The following EYS variants were observed in gnomAD, a reference collection of about 807,000 sequenced individuals.
EYS encodes the protein EGF-like photoreceptor maintenance factor.
In EYS, 250 loss-of-function variants were observed where a neutral mutation model predicts 282.1. The ratio of observed to expected loss-of-function variants is 0.89; its 90% confidence interval spans 0.80 to 0.98. EYS has a LOEUF of 0.98. EYS is among the 50% of genes least tolerant of loss of function. EYS has a pLI of 0.00. For synonymous variants in EYS, 1,355 were observed against 1,282.9 expected (o/e 1.06, Z -1.20); for missense variants, 4,016 against 3,709.0 (o/e 1.08, Z -2.15).
At chr6:63,939,279 C>A (rs956522680) in intron 35 of EYS, among the ~76,000 whole-genome samples, 2 of 151,870 alleles carry the variant, frequency 1.3e-5, no homozygotes, top group Non-Finnish European at 1.5e-5. Context: ...AAGAGGGATA[C>A]CAAGTTTGTA....
chr6:65,446,594 T>G (rs779686203), intron 5 of EYS, among the ~76,000 whole-genome samples: 58 of 151,764 alleles, frequency 3.8e-4, no homozygotes, highest in Non-Finnish European at 7.4e-4. Flanking sequence ...ATCTAAGAGT[T>G]GAGAAAGTAT....
intron 26 of EYS, among the ~76,000 whole-genome samples, chr6:64,551,295 A>G (rs1765073886): frequency 6.6e-6 from 1 of 151,464 alleles, no homozygotes; most frequent in Admixed American, 6.6e-5. Context: ...AAAGGTTTGG[A>G]GAGTACCTTT....
chr6:63,827,969 A>G (rs186429364), intron 36 of EYS, among the ~76,000 whole-genome samples: 34 of 152,328 alleles, frequency 2.2e-4, no homozygotes, highest in African/African-American at 7.7e-4. Context: ...TGGAAATTAA[A>G]TAACCTGCTC....
At chr6:63,902,115 A>G (rs200183903) in intron 35 of EYS, among the ~76,000 whole-genome samples, 1 of 152,000 alleles carries the variant, frequency 6.6e-6, no homozygotes, top group East Asian at 1.9e-4. Flanking sequence ...GCTGGTCTTG[A>G]ACTCCTGTCC....
At chr6:64,468,350 A>C (rs547820232) in intron 26 of EYS, among the ~76,000 whole-genome samples, 1 of 152,348 alleles carries the variant, frequency 6.6e-6, no homozygotes, top group African/African-American at 2.4e-5. Context: ...CATCATAAAT[A>C]CATTTTTGGG....
At chr6:65,462,228 A>G (rs955411743) in intron 5 of EYS, among the ~76,000 whole-genome samples, 2 of 152,140 alleles carry the variant, frequency 1.3e-5, no homozygotes, top group Admixed American at 6.6e-5. Context: ...CATGTAATGT[A>G]TGATACTTTT....
chr6:65,201,934 G>T (rs1418046013), intron 12 of EYS, among the ~76,000 whole-genome samples: 2 of 151,940 alleles, frequency 1.3e-5, no homozygotes, highest in Non-Finnish European at 2.9e-5. Context: ...GCAACATGGC[G>T]AGACCCCATT....
intron 34 of EYS, among the ~76,000 whole-genome samples, chr6:63,995,197 A>G (rs991430327): frequency 5.3e-5 from 8 of 152,036 alleles, no homozygotes; most frequent in African/African-American, 1.7e-4. Context: ...CACACAAAGC[A>G]GACAAACAAA....
chr6:63,971,767 A>G (rs1454066495), intron 35 of EYS, among the ~76,000 whole-genome samples: 1 of 152,236 alleles, frequency 6.6e-6, no homozygotes, highest in Non-Finnish European at 1.5e-5. Flanking sequence ...TCCTACCTCA[A>G]GACTGAACTC....
intron 12 of EYS, among the ~76,000 whole-genome samples, chr6:65,201,710 C>T (rs184584551): frequency 7.5e-4 from 114 of 151,988 alleles, no homozygotes; most frequent in Middle Eastern, 3.4e-3. Context: ...CTGTTTTGTC[C>T]TATAACTATT....
chr6:64,319,370 T>A (rs931740501), intron 29 of EYS, among the ~76,000 whole-genome samples: 3 of 151,880 alleles, frequency 2.0e-5, no homozygotes, highest in Non-Finnish European at 4.4e-5. Context: ...GATTCTTAAA[T>A]CTAGCAATAC....
chr6:65,176,984 T>A (rs1765240925), intron 12 of EYS, among the ~76,000 whole-genome samples: 1 of 151,720 alleles, frequency 6.6e-6, no homozygotes, highest in South Asian at 2.1e-4. Context: ...TGTATTCTGG[T>A]TTTTAACTTA....
chr6:65,447,361 G>GTTATATATATAAATATATGTATATAA (rs1562189734), intron 5 of EYS, among the ~76,000 whole-genome samples: 1 of 111,912 alleles, frequency 8.9e-6, no homozygotes, highest in Non-Finnish European at 2.2e-5. Context: ...TATGTATATA[G>GTTATATATATAAATATATGTATATAA]TTATATATAT....
intron 12 of EYS, among the ~76,000 whole-genome samples, chr6:65,184,506 C>T (rs1005375583): frequency 6.6e-6 from 1 of 151,486 alleles, no homozygotes; most frequent in Admixed American, 6.6e-5. Flanking sequence ...AACATTCAAA[C>T]CATAGCATGA....
intron 26 of EYS, among the ~76,000 whole-genome samples, chr6:64,569,261 A>T (rs913261733): frequency 3.3e-5 from 5 of 151,924 alleles, no homozygotes; most frequent in African/African-American, 1.2e-4. Flanking sequence ...GGTTAGCGGG[A>T]TTGCTAATTA....
At chr6:64,829,049 A>G (rs1765139810) in intron 19 of EYS, among the ~76,000 whole-genome samples, 1 of 151,526 alleles carries the variant, frequency 6.6e-6, no homozygotes, top group Non-Finnish European at 1.5e-5. Flanking sequence ...AAGAATATGC[A>G]TGGAGTTATA....
At chr6:64,457,412 A>C (rs12174441) in intron 26 of EYS, among the ~76,000 whole-genome samples, 42,051 of 151,652 alleles carry the variant, frequency 0.28, 5,948 homozygotes, top group East Asian at 0.46. Context: ...TTTCATGATC[A>C]TTTTCTGATT....
chr6:65,005,487 C>A lies in EYS; in HGVS notation c.2138-7784G>T, dbSNP rs745660695. On this transcript the variant is annotated intron_variant, in intron 13 of 42. Transcript: ENST00000503581. ...GGGACCTCTGTGAGCAAGGACCACC[C>A]GGTAACATTTTGGCGACCACGAAGG... Among the ~76,000 whole-genome samples the A allele has an allele frequency of 2.1e-4, 31 of 147,496 alleles. 3 individuals carry two copies. Among genetic ancestry groups the A allele is most frequent in the Non-Finnish European group, 4.1e-4 (27 of 65,838 alleles).
chr6:65,220,879 T>C (rs1766446563), intron 12 of EYS, among the ~76,000 whole-genome samples: 1 of 152,118 alleles, frequency 6.6e-6, no homozygotes, highest in African/African-American at 2.4e-5. Flanking sequence ...AGGAACCTGT[T>C]GGAAACTGGA....
Sources: allele counts gnomAD v4.1 joint callset (sites outside exome capture counted in the v4.1 genomes callset), GRCh38; gene constraint gnomAD v4.1.1; transcripts MANE v1.5; gene names NCBI Gene and HGNC (gene_info 2026-07-23, HGNC 2026-07-21).